Variants in SLC24A2 observed in about 807,000 individuals in gnomAD.
SLC24A2 encodes solute carrier family 24 member 2.
Under a neutral mutation model 62.0 loss-of-function variants are expected in SLC24A2, and 36 were observed. The observed-to-expected ratio is 0.58, with a 90% CI of 0.44 to 0.77. SLC24A2 has a LOEUF of 0.77. SLC24A2 is among the 30% of genes least tolerant of loss of function. The pLI, the probability that SLC24A2 is intolerant of heterozygous loss-of-function variation, is 0.00. For synonymous variants in SLC24A2, 358 were observed against 294.0 expected (o/e 1.22, Z -2.23); for missense variants, 846 against 817.9 (o/e 1.03, Z -0.42).
chr9:19,838,183 A>C, the SLC24A2 span, among the ~76,000 whole-genome samples: 5,930 of 152,324 alleles, frequency 0.039, 418 homozygotes, highest in African/African-American at 0.14. Flanking sequence ...ACAAGGCTGC[A>C]GTAACCAAAA....
chr9:20,180,471 T>G, the SLC24A2 span, among the ~76,000 whole-genome samples: 1 of 152,206 alleles, frequency 6.6e-6, no homozygotes, highest in Non-Finnish European at 1.5e-5. Context: ...AAACCATCCA[T>G]TTTTAAAAAT....
chr9:19,713,886 A>T (rs1820785798), intron 2 of SLC24A2, among the ~76,000 whole-genome samples: 1 of 152,180 alleles, frequency 6.6e-6, no homozygotes, highest in African/African-American at 2.4e-5. Flanking sequence ...TAAATATTCA[A>T]AAGAAATTAC....
chr9:19,750,924 G>C (rs1306211299), intron 2 of SLC24A2, among the ~76,000 whole-genome samples: 1 of 152,138 alleles, frequency 6.6e-6, no homozygotes, highest in Admixed American at 6.5e-5. Flanking sequence ...ACTCACTGAA[G>C]ACCCTGCTCT....
At chr9:19,636,385 T>TTTTCTTTCTTTCTTTCTTTCCCCC (rs1818351227) in intron 2 of SLC24A2, among the ~76,000 whole-genome samples, 6 of 25,362 alleles carry the variant, frequency 2.4e-4, no homozygotes, top group African/African-American at 8.4e-4. Flanking sequence ...CTTTCTTTCT[T>TTTTCTTTCTTTCTTTCTTTCCCCC]TCTCCCTCTC....
At chr9:20,110,072 C>T in the SLC24A2 span, among the ~76,000 whole-genome samples, 4 of 152,218 alleles carry the variant, frequency 2.6e-5, no homozygotes, top group Admixed American at 6.5e-5. Flanking sequence ...GTAATCTGAA[C>T]TGTAGGGATT....
At chr9:20,168,571 T>C in the SLC24A2 span, among the ~76,000 whole-genome samples, 1 of 151,892 alleles carries the variant, frequency 6.6e-6, no homozygotes, top group Admixed American at 6.6e-5. Context: ...CAAAAAAAGA[T>C]ATATAAATAG....
chr9:19,622,354 T>A, intron 2 of SLC24A2, 55 bp from the exon 3 acceptor site: 3 of 1,498,778 alleles, frequency 2.0e-6, no homozygotes, highest in Non-Finnish European at 2.8e-6. Flanking sequence ...AAATGAAGAA[T>A]CACATATGGC....
the SLC24A2 span, among the ~76,000 whole-genome samples, chr9:20,204,590 G>A: frequency 6.6e-6 from 1 of 152,144 alleles, no homozygotes; most frequent in East Asian, 1.9e-4. Context: ...GGGAGGTAAA[G>A]CTGCTGGCAC....
the SLC24A2 span, among the ~76,000 whole-genome samples, chr9:20,016,382 T>C: frequency 1.3e-5 from 2 of 152,202 alleles, no homozygotes; most frequent in Non-Finnish European, 2.9e-5. Flanking sequence ...GGATGTATAA[T>C]AAACTTATTT....
chr9:19,656,065 CT>C (rs1818933986), intron 2 of SLC24A2, among the ~76,000 whole-genome samples: 1 of 152,146 alleles, frequency 6.6e-6, no homozygotes, highest in South Asian at 2.1e-4. Context: ...CAAGTGGGCC[CT>C]TTCAGAATTA....
chr9:19,630,818 T>C (rs780864429), intron 2 of SLC24A2, among the ~76,000 whole-genome samples: 1 of 152,142 alleles, frequency 6.6e-6, no homozygotes, highest in Non-Finnish European at 1.5e-5. Context: ...GGCACAAATA[T>C]CAAGCATACA....
chr9:19,956,709 T>C, the SLC24A2 span, among the ~76,000 whole-genome samples: 5 of 152,158 alleles, frequency 3.3e-5, no homozygotes, highest in Non-Finnish European at 7.3e-5. Context: ...AAGACCCGCC[T>C]CCATGATTCA....
the SLC24A2 span, among the ~76,000 whole-genome samples, chr9:20,003,258 T>A: frequency 6.6e-6 from 1 of 152,218 alleles, no homozygotes. Flanking sequence ...GGCAAAATGA[T>A]GCTTGTAAGA....
In SLC24A2 at chr9:19,716,466, A is replaced by G. The variant is rs570723554; in HGVS notation, c.930+69471T>C. ...GAGCTCCCATTCACTGGTTAACTAC[A>G]TGTATGAAGGCTTTCAGTAAATTTT... On this transcript the variant is annotated intron_variant, in intron 2 of 10. Coordinates refer to ENST00000341998, the MANE Select transcript of SLC24A2 (RefSeq NM_020344.4). Among the ~76,000 whole-genome samples, 9 of 152,342 alleles carry G rather than the reference A, an allele frequency of 5.9e-5. 1 individual carries two copies. In the South Asian group the frequency reaches 1.9e-3, roughly 32 times the overall value.
At chr9:20,288,741 C>CAAA in the SLC24A2 span, among the ~76,000 whole-genome samples, 16 of 79,164 alleles carry the variant, frequency 2.0e-4, no homozygotes, top group Non-Finnish European at 2.3e-4. Context: ...GACTCTGTCT[C>CAAA]AAAAAAAAAA....
the SLC24A2 span, among the ~76,000 whole-genome samples, chr9:20,141,322 G>C: frequency 6.6e-6 from 1 of 152,044 alleles, no homozygotes; most frequent in East Asian, 1.9e-4. Flanking sequence ...TCTCTACTCT[G>C]TGTAGGGACT....
chr9:19,532,534 CTGTGAT>C lies in SLC24A2; in HGVS notation c.1480-4402_1480-4397del, dbSNP rs1256096061. ...AATTTTTTTCCTGAATATTTTCAAT[CTGTGAT>C]TGTTTGAATGCAGAGCCTGCAGATA... On this transcript the variant is annotated intron_variant, in intron 8 of 10. Transcript: ENST00000341998. 7.2e-5 allele frequency among the ~76,000 whole-genome samples: 11 copies of C among 152,252 alleles called. No homozygotes were observed. In the South Asian group the frequency reaches 2.3e-3, roughly 32 times the overall value.
chr9:20,191,581 T>C, the SLC24A2 span, among the ~76,000 whole-genome samples: 1 of 151,774 alleles, frequency 6.6e-6, no homozygotes, highest in African/African-American at 2.4e-5. Flanking sequence ...TTCTCTGGCA[T>C]ATATCTAAAA....
At chr9:19,901,357 A>G in the SLC24A2 span, among the ~76,000 whole-genome samples, 1 of 152,212 alleles carries the variant, frequency 6.6e-6, no homozygotes, top group Non-Finnish European at 1.5e-5. Flanking sequence ...TAAAAAAATC[A>G]TGAGATCTAT....
Sources: gnomAD v4.1 joint callset for allele counts (sites outside exome capture counted in the v4.1 genomes callset) on GRCh38, gnomAD v4.1.1 for gene constraint, MANE v1.5 for transcripts, NCBI Gene and HGNC (gene_info 2026-07-23, HGNC 2026-07-21) for gene names.